Variants in ZCCHC10 observed in about 807,000 individuals in gnomAD.
ZCCHC10 encodes zinc finger CCHC domain-containing protein 10.
A neutral mutation model predicts 19.5 loss-of-function variants in ZCCHC10; 16 were observed. The observed-to-expected ratio is 0.82, with a 90% CI of 0.56 to 1.25. The LOEUF is 1.25. Among genes scored for constraint, ZCCHC10 ranks in the 50% most tolerant of loss-of-function variants. ZCCHC10 has a pLI of 0.00. For synonymous variants in ZCCHC10, 67 were observed against 72.5 expected (o/e 0.92, Z 0.38); for missense variants, 197 against 201.0 (o/e 0.98, Z 0.12).
At chr5:133,007,134 T>C (rs111650423) in intron 2 of ZCCHC10, among the ~76,000 whole-genome samples, 2 of 152,320 alleles carry the variant, frequency 1.3e-5, no homozygotes, top group African/African-American at 4.8e-5. Flanking sequence ...TCATCTTGAA[T>C]TCCCACATGT....
At chr5:133,003,254 A>G in intron 3 of ZCCHC10, 1 of 442,236 alleles carries the variant, frequency 2.3e-6, no homozygotes, top group South Asian at 1.8e-5. Flanking sequence ...GTTTGTTGGG[A>G]CAGAAAGACT....
intron 2 of ZCCHC10, among the ~76,000 whole-genome samples, chr5:133,022,420 G>T (rs1475368971): frequency 6.6e-6 from 1 of 151,462 alleles, no homozygotes; most frequent in African/African-American, 2.4e-5. Context: ...TATAGAGAGA[G>T]ATCCAGTTAT....
At chr5:133,000,513 A>T (rs1762700331) in intron 3 of ZCCHC10, among the ~76,000 whole-genome samples, 1 of 152,206 alleles carries the variant, frequency 6.6e-6, no homozygotes, top group African/African-American at 2.4e-5. Flanking sequence ...AACAGAACAA[A>T]GCTAATAGCA....
chr5:133,022,479 G>A (rs1266741161), intron 2 of ZCCHC10, among the ~76,000 whole-genome samples: 1 of 150,006 alleles, frequency 6.7e-6, no homozygotes, highest in Non-Finnish European at 1.5e-5. Context: ...TTTTGAGACA[G>A]ACTCTCGGTC....
chr5:133,009,403 A>G (rs1467770520), intron 2 of ZCCHC10, among the ~76,000 whole-genome samples: 1 of 151,938 alleles, frequency 6.6e-6, no homozygotes, highest in Non-Finnish European at 1.5e-5. Context: ...GGATTGCTTG[A>G]GGTCAGAAAT....
At chr5:133,006,138 C>A (rs1763106537) in intron 3 of ZCCHC10, among the ~76,000 whole-genome samples, 1 of 147,356 alleles carries the variant, frequency 6.8e-6, no homozygotes, top group Admixed American at 6.9e-5. Context: ...GTACCTGCCA[C>A]TATGCCCGGC....
intron 2 of ZCCHC10, among the ~76,000 whole-genome samples, chr5:133,012,194 T>C (rs1354340899): frequency 1.4e-5 from 2 of 144,534 alleles, no homozygotes; most frequent in African/African-American, 5.1e-5. Context: ...TGGGCCAGGC[T>C]CAGTGGCTCA....
At chr5:133,005,305 A>T (rs191045839) in intron 3 of ZCCHC10, among the ~76,000 whole-genome samples, 309 of 151,132 alleles carry the variant, frequency 2.0e-3, no homozygotes, top group Middle Eastern at 6.9e-3. Context: ...CAAAAAAAAA[A>T]TTTTTTACTC....
At chr5:133,015,801 G>C (rs1449661583) in intron 2 of ZCCHC10, among the ~76,000 whole-genome samples, 2 of 152,124 alleles carry the variant, frequency 1.3e-5, no homozygotes, top group African/African-American at 2.4e-5. Context: ...GATATTTATT[G>C]TTATAAGCCA....
At chr5:133,004,810 T>C (rs999832433) in intron 3 of ZCCHC10, among the ~76,000 whole-genome samples, 7 of 152,078 alleles carry the variant, frequency 4.6e-5, no homozygotes, top group African/African-American at 1.7e-4. Context: ...GTGTTACATA[T>C]TTAACCTAGA....
intron 1 of ZCCHC10, among the ~76,000 whole-genome samples, chr5:133,026,161 G>A (rs555910589): frequency 6.6e-6 from 1 of 152,196 alleles, no homozygotes; most frequent in Non-Finnish European, 1.5e-5. Flanking sequence ...GTCGGACCGG[G>A]GCTTCAGGGC....
chr5:133,020,193 G>A (rs1272617239), intron 2 of ZCCHC10, among the ~76,000 whole-genome samples: 6 of 151,698 alleles, frequency 4.0e-5, no homozygotes, highest in East Asian at 1.9e-4. Context: ...GGCCAGGAGC[G>A]GTGGTTCACA....
chr5:132,998,505 C>T lies in ZCCHC10; in HGVS notation c.*78G>A. On this transcript the variant is annotated 3_prime_UTR_variant, in exon 5 of 5. Transcript: ENST00000509437. ...AATGTTCACCAGTTAACCTACTTGG[C>T]CTTAACATATTCTAAATTCCCTTTC... 7.4e-7 allele frequency: 1 copy of T among 1,357,920 alleles called. No individual in the cohort carries two copies. The highest frequency in any genetic ancestry group is 1.4e-5 in the African/African-American group (1 of 69,812). 84.1% of individuals were successfully genotyped at this position (1,357,920 alleles called of 1,614,324 possible).
At chr5:133,002,832 G>A (rs1762860714) in intron 3 of ZCCHC10, among the ~76,000 whole-genome samples, 1 of 148,044 alleles carries the variant, frequency 6.8e-6, no homozygotes, top group Non-Finnish European at 1.5e-5. Context: ...CAATTTTCCT[G>A]TCTCAGCCTC....
chr5:132,999,252 T>C (rs572051810), intron 4 of ZCCHC10, among the ~76,000 whole-genome samples: 28 of 152,314 alleles, frequency 1.8e-4, no homozygotes, highest in African/African-American at 6.5e-4. Context: ...TCCATATATA[T>C]GCTTATATAT....
At position 133,006,812 on chromosome 5, in the gene ZCCHC10, T is replaced by C; in HGVS notation, c.216A>G (p.Ala72=). 6.2e-7 allele frequency: 1 copy of C among 1,611,730 alleles called. No individual in the cohort carries two copies. The highest frequency in any genetic ancestry group is 8.5e-7 in the Non-Finnish European group (1 of 1,179,510). The change falls in exon 3 of 5, where the codon GCA becomes GCG. Residue 72 remains alanine, a synonymous_variant. Coordinates refer to ENST00000509437, the MANE Select transcript of ZCCHC10 (RefSeq NM_001300816.3). ...RKYLHRPSRT[A]ELKKALKEKE... ...TTTCTTTTAAAGCTTTCTTTAGTTC[T>C]GCTGTCCTTGAGGGCCTATGTAGGT...
rs181526575 is a variant in ZCCHC10, at chr5:133,007,519, G to A, written c.108-599C>T. Reference sequence around the variant, plus strand: ...GGTTGCACCACTGCACTCCAGCCTGGGCAACAGAGCGAGACTCCGTCTCAC... The same window carrying A: ...GGTTGCACCACTGCACTCCAGCCTGAGCAACAGAGCGAGACTCCGTCTCAC... On this transcript the variant is annotated intron_variant, in intron 2 of 4. Coordinates refer to ENST00000509437, the MANE Select transcript of ZCCHC10 (RefSeq NM_001300816.3). Among the ~76,000 whole-genome samples the A allele has an allele frequency of 6.4e-3, 968 of 151,338 alleles. 7 individuals are homozygous for A. The highest frequency in any genetic ancestry group is 9.8e-3 in the Non-Finnish European group (666 of 67,858).
Position 133,010,049 on chromosome 5 carries a change from AT to A in ZCCHC10, c.108-3130del, listed in dbSNP as rs770318980. Among the ~76,000 whole-genome samples the A allele has an allele frequency of 1.7e-3, 236 of 138,422 alleles. 1 individual carries two copies. Among genetic ancestry groups the A allele is most frequent in the Middle Eastern group, 3.8e-3 (1 of 266 alleles). 90.8% of individuals were successfully genotyped at this position (138,422 alleles called of 152,430 possible). A position where few individuals can be genotyped will look rare whatever the true frequency, so the allele number is the denominator to read the frequency against. On this transcript the variant is annotated intron_variant, in intron 2 of 4. Coordinates refer to ENST00000509437, the MANE Select transcript of ZCCHC10 (RefSeq NM_001300816.3). ...GCAAGGTTTTAAATTTGGGTCAGCA[AT>A]TTTTTTTTTTTTTTTGGAGATGAAG...
At chr5:133,000,334 G>T in intron 3 of ZCCHC10, 161 bp from the exon 4 acceptor site, 1 of 759,096 alleles carries the variant, frequency 1.3e-6, no homozygotes, top group Non-Finnish European at 2.1e-6. Context: ...CAAGTGGAAA[G>T]TCTGCCATTG....
Sources: allele counts gnomAD v4.1 joint callset (sites outside exome capture counted in the v4.1 genomes callset), GRCh38; gene constraint gnomAD v4.1.1; transcripts MANE v1.5; gene names NCBI Gene and HGNC (gene_info 2026-07-23, HGNC 2026-07-21).